The following ARHGAP6 variants were observed in gnomAD, a reference collection of about 807,000 sequenced individuals.
The protein encoded by ARHGAP6 is Rho GTPase activating protein 6, also known as rho GTPase-activating protein 6.
Under a neutral mutation model 55.7 loss-of-function variants are expected in ARHGAP6, and 16 were observed. That is an observed-to-expected ratio of 0.29 (90% confidence interval 0.19 to 0.44). The LOEUF (loss-of-function observed/expected upper bound fraction) is 0.44. Ranked by LOEUF, ARHGAP6 falls within the 20% of genes least tolerant of loss-of-function variation. The pLI, the probability that ARHGAP6 is intolerant of heterozygous loss-of-function variation, is 1.00. For missense variants in ARHGAP6, 698 were observed against 808.9 expected (o/e 0.86, Z 1.66); for synonymous variants, 382 against 360.9 (o/e 1.06, Z -0.66).
intron 1 of ARHGAP6, among the ~76,000 whole-genome samples, chrX:11,461,526 C>G (rs960512824): frequency 8.9e-6 from 1 of 111,858 alleles, no homozygotes. Flanking sequence ...ACTTGCTGGA[C>G]ACTCAGTAGA....
At chrX:11,190,749 T>A (rs909214309) in intron 3 of ARHGAP6, among the ~76,000 whole-genome samples, 2 of 111,405 alleles carry the variant, frequency 1.8e-5, no homozygotes, top group African/African-American at 6.5e-5. Flanking sequence ...TAGGGACTAC[T>A]GAGCCCTTTC....
chrX:11,490,055 A>G (rs2050551743), intron 1 of ARHGAP6, among the ~76,000 whole-genome samples: 1 of 111,488 alleles, frequency 9.0e-6, no homozygotes, highest in Non-Finnish European at 1.9e-5. Flanking sequence ...TACGGGTGGC[A>G]GACATATCCT....
intron 1 of ARHGAP6, among the ~76,000 whole-genome samples, chrX:11,641,448 T>G (rs1478171960): frequency 8.9e-6 from 1 of 111,787 alleles, no homozygotes; most frequent in Non-Finnish European, 1.9e-5. Flanking sequence ...CGGTGGCTAG[T>G]ATCTCAAAGT....
intron 1 of ARHGAP6, among the ~76,000 whole-genome samples, chrX:11,558,001 G>C (rs2051339399): frequency 9.0e-6 from 1 of 111,692 alleles, no homozygotes; most frequent in Non-Finnish European, 1.9e-5. Flanking sequence ...AAATCTCTAA[G>C]TTAAAGAAAG....
intron 1 of ARHGAP6, among the ~76,000 whole-genome samples, chrX:11,350,781 CATT>C (rs2048853299): frequency 9.0e-6 from 1 of 111,335 alleles, no homozygotes; most frequent in Non-Finnish European, 1.9e-5. Flanking sequence ...ATTACAGAGA[CATT>C]TACTTGGGAT....
At chrX:11,274,125 T>C (rs776160070) in intron 1 of ARHGAP6, among the ~76,000 whole-genome samples, 6 of 111,268 alleles carry the variant, frequency 5.4e-5, no homozygotes, top group Non-Finnish European at 1.1e-4. Context: ...CTCAAGAAAA[T>C]TCATCAAAAT....
rs755244421 is a variant in ARHGAP6 at position 11,139,007 on chromosome X, G to A, written c.2781C>T (p.Ser927=). 1.1e-5 allele frequency: 13 copies of A among 1,208,448 alleles called. No homozygotes were observed. The highest frequency in any genetic ancestry group is 1.5e-5 in the Non-Finnish European group (13 of 894,469). The change falls in exon 13 of 13, where the codon AGC becomes AGT. Residue 927 remains serine, a synonymous_variant. Coordinates refer to ENST00000337414, the MANE Select transcript of ARHGAP6 (RefSeq NM_013427.3). ...REQQVTQKKL[S]SANSLPAGEQ... is the part of the protein sequence containing the mutation. ...CGCCCGCTGGCAGGGAGTTGGCGCTGCTCAGTTTTTTCTGCGTGACCTGCT... is the reference window on the plus strand; with the variant it reads ...CGCCCGCTGGCAGGGAGTTGGCGCTACTCAGTTTTTTCTGCGTGACCTGCT...
chrX:11,315,314 C>G (rs938369033), intron 1 of ARHGAP6, among the ~76,000 whole-genome samples: 22 of 112,085 alleles, frequency 2.0e-4, no homozygotes, highest in African/African-American at 5.2e-4. Context: ...GTTAGATTCT[C>G]ATAAGGAGCT....
intron 1 of ARHGAP6, among the ~76,000 whole-genome samples, chrX:11,345,131 C>A (rs1193960372): frequency 8.9e-6 from 1 of 112,350 alleles, no homozygotes; most frequent in African/African-American, 3.2e-5. Flanking sequence ...CTCTATGTCT[C>A]TCTTGGGAGT....
chrX:11,345,776 A>G (rs1054754411), intron 1 of ARHGAP6, among the ~76,000 whole-genome samples: 13 of 111,391 alleles, frequency 1.2e-4, no homozygotes, highest in Non-Finnish European at 2.5e-4. Context: ...AGGAAATCTT[A>G]GTAGTTGAAT....
chrX:11,153,429 G>T lies in ARHGAP6; in HGVS notation c.1907+3100C>A, dbSNP rs181827404. On this transcript the variant is annotated intron_variant, in intron 10 of 12. Coordinates refer to ENST00000337414, the MANE Select transcript of ARHGAP6 (RefSeq NM_013427.3). ...AATCTCAGCTACTTGGGAGGCTGAG[G>T]CAGGAGAATCGTTTGAACCCGGGAG... is the stretch of plus-strand genomic sequence containing the variant. Among the ~76,000 whole-genome samples, 132 of 105,744 alleles carry T rather than the reference G, an allele frequency of 1.2e-3. 1 individual carries two copies. The highest frequency in any genetic ancestry group is 1.9e-3 in the Non-Finnish European group (99 of 51,669). The allele number at this position is 105,744 out of a possible 115,157, so 91.8% of individuals were successfully genotyped here. A position where few individuals can be genotyped will look rare whatever the true frequency, so the allele number is the denominator to read the frequency against.
chrX:11,227,987 G>A (rs1413347721), intron 2 of ARHGAP6, among the ~76,000 whole-genome samples: 1 of 109,575 alleles, frequency 9.1e-6, no homozygotes, highest in Non-Finnish European at 1.9e-5. Flanking sequence ...CATTTTTTAC[G>A]TCTTCCTCAG....
At chrX:11,153,126 T>C in intron 10 of ARHGAP6, among the ~76,000 whole-genome samples, 1 of 111,583 alleles carries the variant, frequency 9.0e-6, no homozygotes, top group East Asian at 2.8e-4. Flanking sequence ...AGTATCAGGA[T>C]CACTTGGGAG....
intron 1 of ARHGAP6, among the ~76,000 whole-genome samples, chrX:11,296,118 A>G (rs937245325): frequency 3.6e-5 from 4 of 112,484 alleles, no homozygotes; most frequent in Non-Finnish European, 7.5e-5. Flanking sequence ...TTCATTTTCC[A>G]TGGGATTTAT....
intron 2 of ARHGAP6, among the ~76,000 whole-genome samples, chrX:11,198,798 G>GT (rs1403199718): frequency 8.9e-6 from 1 of 111,872 alleles, no homozygotes; most frequent in African/African-American, 3.2e-5. Context: ...AGTAATAATC[G>GT]TAAGTCCAAC....
At chrX:11,337,271 T>C (rs2048650830) in intron 1 of ARHGAP6, among the ~76,000 whole-genome samples, 1 of 111,836 alleles carries the variant, frequency 8.9e-6, no homozygotes, top group African/African-American at 3.2e-5. Context: ...ATTTTTACAT[T>C]ATATACTATA....
chrX:11,449,276 C>T (rs1469931902), intron 1 of ARHGAP6, among the ~76,000 whole-genome samples: 1 of 112,096 alleles, frequency 8.9e-6, no homozygotes, highest in East Asian at 2.8e-4. Flanking sequence ...CCTTCGCAAG[C>T]CCCAATCCAT....
At chrX:11,181,618 T>C (rs992701366) in intron 6 of ARHGAP6, among the ~76,000 whole-genome samples, 1 of 112,380 alleles carries the variant, frequency 8.9e-6, no homozygotes, top group African/African-American at 3.2e-5. Context: ...AATGGTTCTA[T>C]GGAAACTTCA....
chrX:11,511,131 T>C (rs1470640011), intron 1 of ARHGAP6, among the ~76,000 whole-genome samples: 1 of 112,315 alleles, frequency 8.9e-6, no homozygotes, highest in African/African-American at 3.2e-5. Flanking sequence ...GAAATGAGCA[T>C]AATTAAAATG....
Sources: allele counts gnomAD v4.1 joint callset (sites outside exome capture counted in the v4.1 genomes callset), GRCh38; gene constraint gnomAD v4.1.1; transcripts MANE v1.5; gene names NCBI Gene and HGNC (gene_info 2026-07-23, HGNC 2026-07-21).